Variants in PRKAA2 observed in about 807,000 individuals in gnomAD.
PRKAA2 encodes the protein 5'-AMP-activated protein kinase catalytic subunit alpha-2.
A neutral mutation model predicts 56.3 loss-of-function variants in PRKAA2; 40 were observed. The ratio of observed to expected loss-of-function variants is 0.71; its 90% CI spans 0.55 to 0.92. PRKAA2 has a LOEUF of 0.92. Ranked by LOEUF, PRKAA2 falls within the 40% of genes least tolerant of loss-of-function variation. The pLI, the probability that PRKAA2 is intolerant of heterozygous loss-of-function variation, is 0.00. For missense variants in PRKAA2, 542 were observed against 686.9 expected (o/e 0.79, Z 2.36); for synonymous variants, 214 against 234.2 (o/e 0.91, Z 0.79).
chr1:56,664,717 A>G (rs1328170577), intron 1 of PRKAA2, among the ~76,000 whole-genome samples: 2 of 152,096 alleles, frequency 1.3e-5, no homozygotes, highest in Admixed American at 6.6e-5. Context: ...CTTATATGCA[A>G]TTTGGTTAAG....
At chr1:56,685,498 G>T in intron 2 of PRKAA2, among the ~76,000 whole-genome samples, 1 of 152,230 alleles carries the variant, frequency 6.6e-6, no homozygotes. Flanking sequence ...CAGCATTTAA[G>T]ATTTCATTAA....
chr1:56,683,516 C>T (rs2100415436), intron 2 of PRKAA2, among the ~76,000 whole-genome samples: 1 of 152,200 alleles, frequency 6.6e-6, no homozygotes, highest in South Asian at 2.1e-4. Flanking sequence ...TTGATCCATT[C>T]ATTCAACAGA....
chr1:56,671,141 CT>C (rs756248355), intron 1 of PRKAA2, among the ~76,000 whole-genome samples: 33 of 152,264 alleles, frequency 2.2e-4, no homozygotes, highest in Non-Finnish European at 3.8e-4. Context: ...AGAAGAAATT[CT>C]TGACCTTAAA....
chr1:56,707,049 C>A (rs1411664755), intron 8 of PRKAA2, among the ~76,000 whole-genome samples: 1 of 152,088 alleles, frequency 6.6e-6, no homozygotes, highest in Non-Finnish European at 1.5e-5. Flanking sequence ...GTAGAAAATG[C>A]AGTTTTAACA....
intron 7 of PRKAA2, among the ~76,000 whole-genome samples, chr1:56,704,798 T>C (rs1644320853): frequency 6.9e-6 from 1 of 144,314 alleles, no homozygotes; most frequent in Non-Finnish European, 1.5e-5. Flanking sequence ...TTACTTTCTC[T>C]TTTTTTTTTT....
intron 1 of PRKAA2, among the ~76,000 whole-genome samples, chr1:56,652,529 T>C (rs1489800284): frequency 6.6e-6 from 1 of 152,304 alleles, no homozygotes; most frequent in Non-Finnish European, 1.5e-5. Context: ...GAAGAAAACA[T>C]TGGTATAAGA....
At chr1:56,666,768 T>A (rs539551162) in intron 1 of PRKAA2, among the ~76,000 whole-genome samples, 2 of 152,322 alleles carry the variant, frequency 1.3e-5, no homozygotes, top group South Asian at 4.1e-4. Flanking sequence ...ATATGTATTA[T>A]ATAAATACTT....
At position 56,712,217 on chromosome 1, in the gene PRKAA2, C is replaced by G. The variant is rs966884264; in HGVS notation, c.*4504C>G. ...AAAGCTTTAACACCATACAAGTATC[C>G]AGCAGTGATCAATTGCTCTTTATAG... On this transcript the variant is annotated 3_prime_UTR_variant, in exon 9 of 9. Coordinates refer to ENST00000371244, the MANE Select transcript of PRKAA2 (RefSeq NM_006252.4). 1 of 152,146 alleles carries G rather than the reference C, an allele frequency of 6.6e-6. No homozygotes were observed. The allele number at this position is 152,146 out of a possible 1,614,324, so 9.4% of individuals were successfully genotyped here. A position where few individuals can be genotyped will look rare whatever the true frequency, so the allele number is the denominator to read the frequency against.
intron 1 of PRKAA2, among the ~76,000 whole-genome samples, chr1:56,652,254 G>A (rs986464752): frequency 1.3e-5 from 2 of 151,808 alleles, no homozygotes; most frequent in Non-Finnish European, 2.9e-5. Flanking sequence ...CTCGTAATAC[G>A]CCCGCCTCAG....
rs1301006796 is a variant in PRKAA2 at position 56,712,452 on chromosome 1, A to G, written c.*4739A>G. ...ATTTATGATTAGCATATTGGTTTTT[A>G]TAAGTATTTCTGAGTTATTGAGGGT... On this transcript the variant is annotated 3_prime_UTR_variant, in exon 9 of 9. Coordinates refer to ENST00000371244, the MANE Select transcript of PRKAA2 (RefSeq NM_006252.4). The G allele has an allele frequency of 6.6e-6, 1 of 152,334 alleles. No individual in the cohort carries two copies. The highest frequency in any genetic ancestry group is 1.9e-4 in the East Asian group (1 of 5,184). 9.4% of individuals were successfully genotyped at this position (152,334 alleles called of 1,614,324 possible).
At chr1:56,706,010 TATTA>T (rs1042284539) in intron 7 of PRKAA2, 78 bp from the exon 8 acceptor site, 73 of 1,212,106 alleles carry the variant, frequency 6.0e-5, no homozygotes, top group African/African-American at 4.1e-4. Context: ...ACCTCACCCC[TATTA>T]ATTATTTGTT....
rs183567866 is a variant in PRKAA2 at position 56,668,628 on chromosome 1, A to G, written c.95-5753A>G. 2.5e-3 allele frequency among the ~76,000 whole-genome samples: 374 copies of G among 152,144 alleles called. 2 individuals are homozygous for G. Among genetic ancestry groups the G allele is most frequent in the Non-Finnish European group, 3.9e-3 (267 of 68,014 alleles). On this transcript the variant is annotated intron_variant, in intron 1 of 8. Transcript: ENST00000371244. ...TTTTGGCCCCAAATAATTATTTTTTAATTGTTCCTTTTGTTTTATTAGATA... is the reference window on the plus strand; with the variant it reads ...TTTTGGCCCCAAATAATTATTTTTTGATTGTTCCTTTTGTTTTATTAGATA...
chr1:56,659,671 C>G (rs1244300038), intron 1 of PRKAA2, among the ~76,000 whole-genome samples: 1 of 151,816 alleles, frequency 6.6e-6, no homozygotes, highest in Admixed American at 6.6e-5. Flanking sequence ...TCCTGTAATC[C>G]CAGCACTTTG....
chr1:56,657,474 G>C (rs371419699), intron 1 of PRKAA2, among the ~76,000 whole-genome samples: 75 of 152,282 alleles, frequency 4.9e-4, no homozygotes, highest in African/African-American at 1.8e-3. Flanking sequence ...TCAGGAGTTT[G>C]AGACCAGCCT....
chr1:56,694,163 C>T (rs1048807087), intron 5 of PRKAA2, among the ~76,000 whole-genome samples: 2 of 152,052 alleles, frequency 1.3e-5, no homozygotes, highest in Non-Finnish European at 2.9e-5. Context: ...AAGCTAGTGT[C>T]ATTTATTTAT....
At chr1:56,669,186 C>T (rs901665242) in intron 1 of PRKAA2, among the ~76,000 whole-genome samples, 5 of 152,070 alleles carry the variant, frequency 3.3e-5, no homozygotes, top group Non-Finnish European at 2.9e-5. Flanking sequence ...TGGCTGGGCA[C>T]GGTGGCTCAC....
At position 56,707,693 on chromosome 1, in the gene PRKAA2, A is replaced by G; in HGVS notation, c.1639A>G (p.Ile547Val). Residue 547 changes from isoleucine to valine, a missense_variant, in exon 9 of 9, where the codon ATT (isoleucine) becomes GTT (valine). By Grantham distance (29) the Ile-to-Val change is conservative. Around this residue, in one of 5 missense-constraint regions of PRKAA2, gnomAD observed 158 missense variants for 166.1 expected, o/e 0.95. Coordinates refer to ENST00000371244, the MANE Select transcript of PRKAA2 (RefSeq NM_006252.4). ...MDFFEMCASLITTLAR is the reference protein window; with the variant it reads ...MDFFEMCASLVTTLAR Reference sequence around the variant, plus strand: ...TTTTTTTGAAATGTGTGCCAGTCTGATTACTACTTTAGCCCGTTGATCTGT... The same window carrying G: ...TTTTTTTGAAATGTGTGCCAGTCTGGTTACTACTTTAGCCCGTTGATCTGT... The G allele has an allele frequency of 1.2e-6, 2 of 1,602,094 alleles. No homozygotes were observed. Among genetic ancestry groups the G allele is most frequent in the Non-Finnish European group, 1.7e-6 (2 of 1,169,086 alleles).
intron 2 of PRKAA2, among the ~76,000 whole-genome samples, chr1:56,684,013 A>G (rs1255855954): frequency 6.6e-6 from 1 of 152,170 alleles, no homozygotes; most frequent in Non-Finnish European, 1.5e-5. Flanking sequence ...TCTGTAAAAG[A>G]TGATGTTGGC....
rs1217756596 is a variant in PRKAA2, at chr1:56,692,191, C to T, written c.331-167C>T. Among the ~76,000 whole-genome samples, 3 of 151,830 alleles carry T rather than the reference C, an allele frequency of 2.0e-5. No homozygotes were observed. The East Asian group carries it at 5.8e-4, about 29-fold the overall frequency. On this transcript the variant is annotated intron_variant, in intron 3 of 8. Transcript: ENST00000371244. ...GAACTACAGGTGCATGTCACCATGCCCGGCTAATTTTTGTATTTTTAGTAG... is the reference window on the plus strand; with the variant it reads ...GAACTACAGGTGCATGTCACCATGCTCGGCTAATTTTTGTATTTTTAGTAG...
Sources: allele counts gnomAD v4.1 joint callset (sites outside exome capture counted in the v4.1 genomes callset), GRCh38; gene constraint gnomAD v4.1.1; regional missense constraint gnomAD v4.1.1; transcripts MANE v1.5; gene names NCBI Gene and HGNC (gene_info 2026-07-23, HGNC 2026-07-21).